ADGRA2: variants seen among roughly 807,000 people sequenced by gnomAD.
ADGRA2 encodes the protein adhesion G protein-coupled receptor A2, also known as G-protein coupled receptor 124.
ADGRA2 carries 61 observed loss-of-function variants against 98.7 expected under a neutral mutation model. That is an observed-to-expected ratio of 0.62 (90% confidence interval 0.50 to 0.76). The LOEUF (loss-of-function observed/expected upper bound fraction) is 0.76, where lower values mean the gene tolerates loss of function less well. Among genes scored for constraint, ADGRA2 ranks in the 30% least tolerant of loss-of-function variants. The pLI is 0.00. For synonymous variants in ADGRA2, 858 were observed against 831.5 expected (o/e 1.03, Z -0.55); for missense variants, 1,712 against 1,860.0 (o/e 0.92, Z 1.46).
rs1288327066 is a variant in ADGRA2, at chr8:37,841,721, C to T, written c.3383C>T (p.Pro1128Leu). 3.2e-6 allele frequency: 5 copies of T among 1,542,216 alleles called. 1 individual carries two copies. The East Asian group carries it at 7.4e-5, about 23-fold the overall frequency. The part of the protein sequence containing the change: ...KSSPSGSSGH[P>L]LALGPCKLTN... ...TCCCCAAGCGGCAGCAGCGGCCATC[C>T]GCTGGCTCTGGGCCCCTGCAAGCTC... Residue 1128 changes from proline to leucine, a missense_variant, in exon 19 of 19, where the codon CCG (proline) becomes CTG (leucine). By Grantham distance (98) the Pro-to-Leu change is moderately conservative (BLOSUM62 -3). Transcript: ENST00000412232. The surrounding 1 kb of genome is among the most constrained non-coding windows in gnomAD (Gnocchi z 5.0).
intron 1 of ADGRA2, among the ~76,000 whole-genome samples, chr8:37,805,100 G>C (rs1169573072): frequency 6.6e-6 from 1 of 152,186 alleles, no homozygotes; most frequent in Non-Finnish European, 1.5e-5. Context: ...CTAGGTGTTG[G>C]GGAGAGAGAG....
intron 1 of ADGRA2, among the ~76,000 whole-genome samples, chr8:37,800,673 A>G (rs1323343579): frequency 1.3e-5 from 2 of 152,124 alleles, no homozygotes; most frequent in African/African-American, 4.8e-5. Context: ...TCTTTGAGGT[A>G]TCGCTCTCTG....
intron 2 of ADGRA2, among the ~76,000 whole-genome samples, chr8:37,815,462 C>A (rs1034894927): frequency 6.6e-6 from 1 of 152,236 alleles, no homozygotes; most frequent in Admixed American, 6.5e-5. Flanking sequence ...TGGTTCAGAG[C>A]CGCCTGGGCA....
chr8:37,824,019 A>T (rs531667389), intron 2 of ADGRA2, among the ~76,000 whole-genome samples: 59 of 150,204 alleles, frequency 3.9e-4, no homozygotes, highest in African/African-American at 1.4e-3. Flanking sequence ...TTTCTTGATG[A>T]TATCCTTTAA....
chr8:37,843,584 AACAGGAAACC>A lies in ADGRA2; in HGVS notation c.*1231_*1240del, dbSNP rs992433884. The A allele has an allele frequency of 3.5e-4, 53 of 152,316 alleles. No individual in the cohort carries two copies. Among genetic ancestry groups the A allele is most frequent in the African/African-American group, 1.2e-3 (48 of 41,546 alleles). 9.4% of individuals were successfully genotyped at this position (152,316 alleles called of 1,614,324 possible). ...GGGAACCCTGGGTCTTGGGAAGAAC[AACAGGAAACC>A]AAGGTCTGACCTAGGGTTCCCTCCC... On this transcript the variant is annotated 3_prime_UTR_variant, in exon 19 of 19. Coordinates refer to ENST00000412232, the MANE Select transcript of ADGRA2 (RefSeq NM_032777.10).
At chr8:37,825,676 A>C (rs1379781786) in intron 2 of ADGRA2, among the ~76,000 whole-genome samples, 1 of 152,192 alleles carries the variant, frequency 6.6e-6, no homozygotes, top group Non-Finnish European at 1.5e-5. Context: ...AAGAAAAAAA[A>C]GGCTCAAAAC....
At chr8:37,810,367 G>A (rs1288751053) in intron 1 of ADGRA2, among the ~76,000 whole-genome samples, 1 of 151,884 alleles carries the variant, frequency 6.6e-6, no homozygotes, top group African/African-American at 2.4e-5. Context: ...AAATTAGCTG[G>A]GTGTGGTGGC....
chr8:37,807,073 C>T (rs1804692128), intron 1 of ADGRA2, among the ~76,000 whole-genome samples: 1 of 152,224 alleles, frequency 6.6e-6, no homozygotes, highest in South Asian at 2.1e-4. Flanking sequence ...AGCCCAGCTT[C>T]CAGGCTGGGT....
At chr8:37,829,584 G>A (rs762617270) in intron 5 of ADGRA2, 25 bp downstream of exon 5, 75 of 1,520,482 alleles carry the variant, frequency 4.9e-5, no homozygotes, top group Non-Finnish European at 6.3e-5. Context: ...CTAGCTCAAG[G>A]ACCCAGACCC....
Position 37,797,278 on chromosome 8 carries a change from G to C in ADGRA2, c.10G>C (p.Gly4Arg). 1.5e-6 allele frequency: 2 copies of C among 1,294,432 alleles called. No homozygotes were observed. The highest frequency in any genetic ancestry group is 1.9e-6 in the Non-Finnish European group (2 of 1,027,766). The allele number at this position is 1,294,432 out of a possible 1,614,324, so 80.2% of individuals were successfully genotyped here. The change falls in exon 1 of 19, where the codon GGG becomes CGG. Residue 4 changes from glycine to arginine, a missense_variant. Gly to Arg is a moderately radical substitution (Grantham distance 125, BLOSUM62 -2). Transcript: ENST00000412232. This position sits in a 1 kb window ranked among gnomAD's most constrained non-coding sequence, Gnocchi z 5.3. The part of the protein sequence containing the change: MGA[G>R]GRRMRGAPAR... ...GCGGGGCGATGGGTTGATGGGCGCC[G>C]GGGGACGCAGGATGCGGGGGGCGCC... is the stretch of plus-strand genomic sequence containing the variant.
chr8:37,842,598 T>G lies in ADGRA2; in HGVS notation c.*243T>G. On this transcript the variant is annotated 3_prime_UTR_variant, in exon 19 of 19. Coordinates refer to ENST00000412232, the MANE Select transcript of ADGRA2 (RefSeq NM_032777.10). ...CGGGGCAGTCTGACTGTCGGTGCCC[T>G]CCCAGGAACGGGGAAGGCCTCCGTC... 1 of 566,624 alleles carries G rather than the reference T, an allele frequency of 1.8e-6. No homozygotes were observed. The highest frequency in any genetic ancestry group is 2.7e-6 in the Non-Finnish European group (1 of 374,098). 35.1% of individuals were successfully genotyped at this position (566,624 alleles called of 1,614,324 possible). A position where few individuals can be genotyped will look rare whatever the true frequency, so the allele number is the denominator to read the frequency against.
At chr8:37,805,207 C>A (rs1302695630) in intron 1 of ADGRA2, among the ~76,000 whole-genome samples, 1 of 152,240 alleles carries the variant, frequency 6.6e-6, no homozygotes, top group African/African-American at 2.4e-5. Flanking sequence ...CATCCTGGAG[C>A]TCTGCCCCTG....
chr8:37,820,805 C>T (rs550488154), intron 2 of ADGRA2, among the ~76,000 whole-genome samples: 3 of 151,922 alleles, frequency 2.0e-5, no homozygotes, highest in Admixed American at 1.3e-4. Context: ...AGTAGATCTG[C>T]GTGGTATCTG....
chr8:37,836,005 A>G (rs942640569), intron 13 of ADGRA2, among the ~76,000 whole-genome samples: 46 of 147,154 alleles, frequency 3.1e-4, no homozygotes, highest in African/African-American at 1.1e-3. Flanking sequence ...AGATTTGTTC[A>G]ATTTCAAGAG....
At chr8:37,840,966 T>C in intron 18 of ADGRA2, 117 bp downstream of exon 18, 1 of 1,209,542 alleles carries the variant, frequency 8.3e-7, no homozygotes. Context: ...AGCCCATGCA[T>C]GCTGACCAAG....
intron 13 of ADGRA2, 51 bp from the exon 14 acceptor site, chr8:37,837,680 C>A: frequency 6.8e-7 from 1 of 1,471,720 alleles, no homozygotes; most frequent in Non-Finnish European, 9.3e-7. Context: ...GCTGAGCCCA[C>A]CTCCCTGACA....
At chr8:37,810,305 T>A (rs1309917269) in intron 1 of ADGRA2, among the ~76,000 whole-genome samples, 1 of 151,304 alleles carries the variant, frequency 6.6e-6, no homozygotes, top group Non-Finnish European at 1.5e-5. Flanking sequence ...GATCAAGAGA[T>A]CGAGACCATC....
In ADGRA2 at chr8:37,816,975, CAT is replaced by C. The variant is rs988760132; in HGVS notation, c.338+2010_338+2011del. Among the ~76,000 whole-genome samples, 35 of 147,612 alleles carry C rather than the reference CAT, an allele frequency of 2.4e-4. No homozygotes were observed. The South Asian group carries it at 4.5e-3, about 19-fold the overall frequency. On this transcript the variant is annotated intron_variant, in intron 2 of 18. Transcript: ENST00000412232. ...ACACACACACACACACACACACACA[CAT>C]AGATTAGGGCTCCTGTCAAGTTCAA... is the stretch of plus-strand genomic sequence containing the variant.
chr8:37,797,370 G>A lies in ADGRA2; in HGVS notation c.102G>A (p.Ala34=). Residue 34 remains alanine (A), a synonymous_variant, in exon 1 of 19, where the codon GCG becomes GCA. Transcript: ENST00000412232. This position sits in a 1 kb window ranked among gnomAD's most constrained non-coding sequence, Gnocchi z 5.3. ...LLLLAPEARG[A]PGCPLSIRSC... ...TCCTGGCGCCCGAGGCTCGGGGCGC[G>A]CCCGGCTGCCCGCTATCCATCCGCA... 2 of 1,422,608 alleles carry A rather than the reference G, an allele frequency of 1.4e-6. No individual in the cohort carries two copies. The highest frequency in any genetic ancestry group is 1.5e-5 in the South Asian group (1 of 68,556). The allele number at this position is 1,422,608 out of a possible 1,614,324, so 88.1% of individuals were successfully genotyped here.
Sources: allele counts gnomAD v4.1 joint callset (sites outside exome capture counted in the v4.1 genomes callset), GRCh38; gene constraint gnomAD v4.1.1; non-coding constraint Gnocchi (gnomAD v3.1); transcripts MANE v1.5; gene names NCBI Gene and HGNC (gene_info 2026-07-23, HGNC 2026-07-21).